Variants in GABRG2 observed in about 807,000 individuals in gnomAD.
GABRG2 encodes the protein gamma-aminobutyric acid type A receptor subunit gamma2, also known as gamma-aminobutyric acid receptor subunit gamma-2.
GABRG2 carries 16 observed loss-of-function variants against 56.4 expected under a neutral mutation model. The observed-to-expected ratio is 0.28, with a 90% CI of 0.19 to 0.43. The LOEUF (loss-of-function observed/expected upper bound fraction) is 0.43. Among genes scored for constraint, GABRG2 ranks in the 20% least tolerant of loss-of-function variants. The pLI is 1.00. For synonymous variants in GABRG2, 208 were observed against 205.5 expected (o/e 1.01, Z -0.10); for missense variants, 327 against 582.7 (o/e 0.56, Z 4.52).
chr5:162,139,098 T>C (rs1028729327), intron 6 of GABRG2, among the ~76,000 whole-genome samples: 1 of 152,180 alleles, frequency 6.6e-6, no homozygotes, highest in East Asian at 1.9e-4. Flanking sequence ...TAATGGATGT[T>C]GTTTCAAATT....
At chr5:162,144,406 A>C (rs1764802434) in intron 7 of GABRG2, among the ~76,000 whole-genome samples, 1 of 152,196 alleles carries the variant, frequency 6.6e-6, no homozygotes, top group African/African-American at 2.4e-5. Flanking sequence ...CCACTCAGTA[A>C]ATAAGTGTTC....
At chr5:162,110,224 C>T (rs960146608) in intron 6 of GABRG2, among the ~76,000 whole-genome samples, 1 of 152,072 alleles carries the variant, frequency 6.6e-6, no homozygotes, top group Non-Finnish European at 1.5e-5. Flanking sequence ...TTCAAAACAT[C>T]AGCTCCATGG....
chr5:162,088,024 A>C (rs1188157686), intron 1 of GABRG2, among the ~76,000 whole-genome samples: 1 of 152,086 alleles, frequency 6.6e-6, no homozygotes, highest in Non-Finnish European at 1.5e-5. Flanking sequence ...CCCTGTTTGC[A>C]TGTATACACT....
At chr5:162,068,551 G>A (rs532773894) in intron 1 of GABRG2, among the ~76,000 whole-genome samples, 1 of 151,786 alleles carries the variant, frequency 6.6e-6, no homozygotes, top group Middle Eastern at 3.4e-3. Flanking sequence ...AGGGGCGGCG[G>A]GCGGCCCTGT....
intron 6 of GABRG2, among the ~76,000 whole-genome samples, chr5:162,140,367 C>A (rs1167739496): frequency 6.6e-6 from 1 of 152,108 alleles, no homozygotes; most frequent in Non-Finnish European, 1.5e-5. Context: ...GGAAATATTG[C>A]AAGGTTAGGG....
intron 6 of GABRG2, among the ~76,000 whole-genome samples, chr5:162,107,451 C>G (rs1257966014): frequency 6.6e-6 from 1 of 152,090 alleles, no homozygotes; most frequent in Non-Finnish European, 1.5e-5. Context: ...AGTACCAAAT[C>G]CAGACATTCT....
intron 6 of GABRG2, among the ~76,000 whole-genome samples, chr5:162,117,923 G>T (rs1365494326): frequency 6.6e-6 from 1 of 152,094 alleles, no homozygotes; most frequent in Non-Finnish European, 1.5e-5. Flanking sequence ...GCCAACTTTT[G>T]TTGAGCATTT....
chr5:162,115,927 T>C (rs1056797438), intron 6 of GABRG2, among the ~76,000 whole-genome samples: 1 of 152,038 alleles, frequency 6.6e-6, no homozygotes, highest in Admixed American at 6.6e-5. Context: ...TTCACAGCCA[T>C]TCCATAATAT....
At chr5:162,087,168 T>A (rs757924752) in intron 1 of GABRG2, among the ~76,000 whole-genome samples, 9 of 152,044 alleles carry the variant, frequency 5.9e-5, no homozygotes, top group Non-Finnish European at 1.0e-4. Flanking sequence ...TTTCAGAACA[T>A]AACCTGACAT....
chr5:162,153,167 T>C lies in GABRG2; in HGVS notation c.1227T>C (p.Asp409=). Residue 409 remains aspartate (D), a synonymous_variant, in exon 10 of 10, where the codon GAT becomes GAC. Transcript: ENST00000639213. ...MNNATHLQER[D]EEYGYECLDG... is the part of the protein sequence containing the mutation. Reference sequence around the variant, plus strand: ...ATGCTACACACCTTCAAGAGAGAGATGAAGAGTACGGCTATGAGTGTCTGG... The same window carrying C: ...ATGCTACACACCTTCAAGAGAGAGACGAAGAGTACGGCTATGAGTGTCTGG... The C allele has an allele frequency of 1.2e-6, 2 of 1,614,100 alleles. No individual in the cohort carries two copies. Among genetic ancestry groups the C allele is most frequent in the Non-Finnish European group, 1.7e-6 (2 of 1,179,994 alleles).
chr5:162,141,124 C>A (rs1452407831), intron 6 of GABRG2, among the ~76,000 whole-genome samples: 1 of 152,100 alleles, frequency 6.6e-6, no homozygotes, highest in African/African-American at 2.4e-5. Flanking sequence ...GCAAGCTCCG[C>A]CTCCCGGGTT....
intron 1 of GABRG2, among the ~76,000 whole-genome samples, chr5:162,092,806 T>C (rs753235189): frequency 1.3e-5 from 2 of 152,178 alleles, no homozygotes; most frequent in Non-Finnish European, 2.9e-5. Context: ...GGAAATGTTA[T>C]ATTTTAAGTT....
chr5:162,152,269 C>T (rs1048302987), intron 9 of GABRG2: 3 of 200,536 alleles, frequency 1.5e-5, no homozygotes, highest in African/African-American at 7.1e-5. Flanking sequence ...GATCCCTGAG[C>T]CTTTTGGCTC....
intron 5 of GABRG2, chr5:162,102,599 C>A (rs1408624229): frequency 2.2e-6 from 1 of 452,972 alleles, no homozygotes. Flanking sequence ...GGTGTGATCT[C>A]GGCTCACTAC....
chr5:162,127,325 T>C (rs1763405478), intron 6 of GABRG2, among the ~76,000 whole-genome samples: 1 of 151,986 alleles, frequency 6.6e-6, no homozygotes, highest in African/African-American at 2.4e-5. Context: ...ATTAAAAGTA[T>C]GCTAGAAAAA....
chr5:162,068,554 G>T (rs1254207932), intron 1 of GABRG2, among the ~76,000 whole-genome samples: 1 of 151,760 alleles, frequency 6.6e-6, no homozygotes, highest in Non-Finnish European at 1.5e-5. Flanking sequence ...GGCGGCGGGC[G>T]GCCCTGTTCC....
intron 6 of GABRG2, among the ~76,000 whole-genome samples, chr5:162,140,633 A>G (rs1764492028): frequency 6.6e-6 from 1 of 152,222 alleles, no homozygotes; most frequent in African/African-American, 2.4e-5. Flanking sequence ...GAATTTAATT[A>G]TCTATGTATT....
intron 6 of GABRG2, among the ~76,000 whole-genome samples, chr5:162,111,503 TATGTTCC>T (rs1243397121): frequency 2.0e-5 from 3 of 152,146 alleles, no homozygotes; most frequent in Non-Finnish European, 2.9e-5. Flanking sequence ...CATTTCTGCT[TATGTTCC>T]ATTGGCGAGA....
intron 6 of GABRG2, among the ~76,000 whole-genome samples, chr5:162,125,156 CTT>C: frequency 6.6e-6 from 1 of 151,764 alleles, no homozygotes; most frequent in Non-Finnish European, 1.5e-5. Context: ...AAAACAGAAA[CTT>C]TCACTTTCTG....
Sources: allele counts gnomAD v4.1 joint callset (sites outside exome capture counted in the v4.1 genomes callset), GRCh38; gene constraint gnomAD v4.1.1; transcripts MANE v1.5; gene names NCBI Gene and HGNC (gene_info 2026-07-23, HGNC 2026-07-21).